KCNAB2: variants seen among roughly 807,000 people sequenced by gnomAD.
The protein encoded by KCNAB2 is potassium voltage-gated channel subfamily A regulatory beta subunit 2.
In KCNAB2, 29 loss-of-function variants were observed where a neutral mutation model predicts 63.6. The observed-to-expected ratio is 0.46, with a 90% CI of 0.34 to 0.62. The LOEUF (loss-of-function observed/expected upper bound fraction) is 0.62. Ranked by LOEUF, KCNAB2 falls within the 20% of genes least tolerant of loss-of-function variation. The pLI is 0.01. For missense variants in KCNAB2, 359 were observed against 563.9 expected (o/e 0.64, Z 3.68); for synonymous variants, 222 against 224.2 (o/e 0.99, Z 0.09).
Position 6,086,143 on chromosome 1 carries a change from C to G in KCNAB2, c.425+895C>G. 1.0e-6 allele frequency: 1 copy of G among 985,298 alleles called. No homozygotes were observed. The highest frequency in any genetic ancestry group is 1.2e-6 in the Non-Finnish European group (1 of 829,894). The allele number at this position is 985,298 out of a possible 1,614,324, so 61.0% of individuals were successfully genotyped here. ...CCGGGGCCCTGTTCCTTAATAAATG[C>G]GTCTTTATTTTCAGAAACATCAGAA... On this transcript the variant is annotated intron_variant, in intron 6 of 15. Coordinates refer to ENST00000378083, the MANE Select transcript of KCNAB2 (RefSeq NM_001199862.2). The surrounding 1 kb of genome is among the most constrained non-coding windows in gnomAD (Gnocchi z 4.2).
At chr1:6,010,991 T>C (rs570733963) in intron 1 of KCNAB2, among the ~76,000 whole-genome samples, 1 of 152,300 alleles carries the variant, frequency 6.6e-6, no homozygotes, top group East Asian at 1.9e-4. Context: ...AAGACACAGA[T>C]GATAGAGGTG....
chr1:6,010,807 C>T (rs767984245), intron 1 of KCNAB2, among the ~76,000 whole-genome samples: 44 of 152,138 alleles, frequency 2.9e-4, no homozygotes, highest in Non-Finnish European at 5.3e-4. Flanking sequence ...CTGGGCTGGC[C>T]CTCGAGTGTT....
chr1:6,055,803 G>A lies in KCNAB2; in HGVS notation c.218+4049G>A, dbSNP rs114083706. ...GTTGACGGGGTGGGTGGGATGCTCC[G>A]TGACTCAGACCACCAGTTATTAAAG... On this transcript the variant is annotated intron_variant, in intron 2 of 15. Coordinates refer to ENST00000378083, the MANE Select transcript of KCNAB2 (RefSeq NM_001199862.2). Among the ~76,000 whole-genome samples, 256 of 152,280 alleles carry A rather than the reference G, an allele frequency of 1.7e-3. 2 individuals carry two copies. Among genetic ancestry groups the A allele is most frequent in the African/African-American group, 6.0e-3 (248 of 41,544 alleles).
rs368312413 is a variant in KCNAB2, at chr1:6,094,409, G to A, written c.656G>A (p.Arg219His). The A allele has an allele frequency of 6.8e-6, 11 of 1,610,218 alleles. No homozygotes were observed. The highest frequency in any genetic ancestry group is 2.2e-5 in the South Asian group (2 of 90,372). ...CTTTCTCTCACGACAGAGACCGTCC[G>A]CGCCATGACCCACGTCATCAACCAG... ...SRTFIIEETVRAMTHVINQGM... is the reference protein window; with the variant it reads ...SRTFIIEETVHAMTHVINQGM... Residue 219 changes from arginine to histidine, a missense_variant, in exon 11 of 16, where the codon CGC becomes CAC. Physicochemically the swap from Arg to His is conservative, Grantham distance 29. Coordinates refer to ENST00000378083, the MANE Select transcript of KCNAB2 (RefSeq NM_001199862.2).
chr1:6,070,329 T>A (rs1215717373), intron 2 of KCNAB2, among the ~76,000 whole-genome samples: 1 of 152,208 alleles, frequency 6.6e-6, no homozygotes, highest in East Asian at 1.9e-4. Context: ...GGACTCCTAC[T>A]AAGCATTTAT....
At chr1:6,048,317 C>T (rs756096) in intron 1 of KCNAB2, among the ~76,000 whole-genome samples, 1 of 152,088 alleles carries the variant, frequency 6.6e-6, no homozygotes, top group Non-Finnish European at 1.5e-5. Context: ...CCCACGCCCC[C>T]CAACAGACTG....
At chr1:6,076,467 T>A (rs1486515119) in intron 4 of KCNAB2, among the ~76,000 whole-genome samples, 2 of 152,234 alleles carry the variant, frequency 1.3e-5, no homozygotes, top group African/African-American at 4.8e-5. Flanking sequence ...TAGAAGCATG[T>A]GTTCAAGACA....
rs966615606 is a variant in KCNAB2, at chr1:6,098,768, C to A, written c.*194C>A. ...CTGCTTCGCCGGACAATGTCGAAGT[C>A]CAGTCTGTGCCGGGGAAGGCACTGG... On this transcript the variant is annotated 3_prime_UTR_variant, in exon 16 of 16. Transcript: ENST00000378083. The A allele has an allele frequency of 4.5e-6, 3 of 668,402 alleles. No individual in the cohort carries two copies. The highest frequency in any genetic ancestry group is 7.4e-6 in the Non-Finnish European group (3 of 406,932). The allele number at this position is 668,402 out of a possible 1,614,324, so 41.4% of individuals were successfully genotyped here.
At chr1:6,000,657 A>G (rs1483104676) in intron 1 of KCNAB2, among the ~76,000 whole-genome samples, 1 of 2,166 alleles carries the variant, frequency 4.6e-4, no homozygotes, top group East Asian at 2.2e-3. Flanking sequence ...CCCAGAAAAG[A>G]AAAAAAAAAA....
chr1:6,098,618 GTC>G lies in KCNAB2; in HGVS notation c.*48_*49del, dbSNP rs1453733347. 4 of 1,601,852 alleles carry G rather than the reference GTC, an allele frequency of 2.5e-6. No individual in the cohort carries two copies. The highest frequency in any genetic ancestry group is 2.2e-5 in the South Asian group (2 of 89,816). ...CTCGGACAGTTTCCGTTCCCTCCTA[GTC>G]TCTGTTCGCTCGCTTAAGCTGTTTT... On this transcript the variant is annotated 3_prime_UTR_variant, in exon 16 of 16. Transcript: ENST00000378083.
intron 15 of KCNAB2, chr1:6,097,633 G>A (rs192502887): frequency 7.7e-5 from 46 of 598,940 alleles, no homozygotes; most frequent in East Asian, 4.8e-4. Flanking sequence ...GGCCAGGGAC[G>A]GTGGCGCTGC....
chr1:6,016,680 AGGCAGTAGAC>A (rs1403576001), intron 1 of KCNAB2, among the ~76,000 whole-genome samples: 1 of 152,208 alleles, frequency 6.6e-6, no homozygotes, highest in Non-Finnish European at 1.5e-5. Flanking sequence ...CGGGCGGGGC[AGGCAGTAGAC>A]GGCAGCGGTG....
Position 6,085,159 on chromosome 1 carries a change from TTTTTC to T in KCNAB2, c.381-43_381-39del, listed in dbSNP as rs1664588474. 2 of 1,610,610 alleles carry T rather than the reference TTTTTC, an allele frequency of 1.2e-6. 1 individual carries two copies. Among genetic ancestry groups the T allele is most frequent in the African/African-American group, 2.7e-5 (2 of 74,968 alleles). On this transcript the variant is annotated intron_variant, in intron 5 of 15. Transcript: ENST00000378083. The stretch of plus-strand genomic sequence containing the variant: ...GTGGCCACAGTGGGTCTGGGTTTGA[TTTTTC>T]TGTTTGGCTGTGATGAGAGCTCGGT...
intron 1 of KCNAB2, among the ~76,000 whole-genome samples, chr1:5,996,539 G>C (rs1656948845): frequency 6.6e-6 from 1 of 152,270 alleles, no homozygotes; most frequent in South Asian, 2.1e-4. Context: ...CGTGTCTTCA[G>C]TGACAGAGCA....
chr1:6,018,099 T>C (rs568428465), intron 1 of KCNAB2, among the ~76,000 whole-genome samples: 3 of 152,040 alleles, frequency 2.0e-5, no homozygotes, highest in Non-Finnish European at 4.4e-5. Flanking sequence ...ACCCAACTAA[T>C]TTTTTTTGTA....
intron 2 of KCNAB2, chr1:6,040,651 C>A (rs1435407419): frequency 3.1e-6 from 5 of 1,598,522 alleles, no homozygotes; most frequent in Non-Finnish European, 4.3e-6. Flanking sequence ...TACAGGTGAC[C>A]CCCTGCCCCC....
At position 6,073,402 on chromosome 1, in the gene KCNAB2, C is replaced by T. The variant is rs565333742; in HGVS notation, c.263-331C>T. On this transcript the variant is annotated intron_variant, in intron 3 of 15. Transcript: ENST00000378083. This position sits in a 1 kb window ranked among gnomAD's most constrained non-coding sequence, Gnocchi z 5.7. ...CAGACCTGGTGTGTTTTCAGAGAGG[C>T]ATCCCTTGTGCCATTTCTTGCGGCA... Among the ~76,000 whole-genome samples the T allele has an allele frequency of 6.6e-6, 1 of 152,326 alleles. No individual in the cohort carries two copies. Among genetic ancestry groups the T allele is most frequent in the African/African-American group, 2.4e-5 (1 of 41,582 alleles).
intron 1 of KCNAB2, among the ~76,000 whole-genome samples, chr1:6,025,028 G>A (rs1004034547): frequency 3.9e-5 from 6 of 152,136 alleles, no homozygotes; most frequent in East Asian, 1.9e-4. Flanking sequence ...ATGGCGCCTC[G>A]CTCTTTCTTT....
At chr1:6,043,093 C>T (rs898734056), upstream of KCNAB2, among the ~76,000 whole-genome samples, 7 of 152,188 alleles carry the variant, frequency 4.6e-5, no homozygotes, top group Non-Finnish European at 7.3e-5. Context: ...GATGTATGTA[C>T]ACATGGTATA....
Sources: gnomAD v4.1 joint callset for allele counts (sites outside exome capture counted in the v4.1 genomes callset) on GRCh38, gnomAD v4.1.1 for gene constraint, Gnocchi (gnomAD v3.1) non-coding constraint, MANE v1.5 for transcripts, NCBI Gene and HGNC (gene_info 2026-07-23, HGNC 2026-07-21) for gene names.